Variants in IL22RA2 observed in about 807,000 individuals in gnomAD.
The protein encoded by IL22RA2 is interleukin 22 receptor subunit alpha 2.
Under a neutral mutation model 30.7 loss-of-function variants are expected in IL22RA2, and 39 were observed. The ratio of observed to expected loss-of-function variants is 1.27; its 90% CI spans 0.98 to 1.66. IL22RA2 has a LOEUF of 1.66. Ranked by LOEUF, IL22RA2 falls within the 40% of genes most tolerant of loss-of-function variation. The pLI is 0.00. For synonymous variants in IL22RA2, 103 were observed against 105.0 expected, an observed-to-expected ratio of 0.98 and a Z score of 0.11; for missense variants, 315 against 312.7, an observed-to-expected ratio of 1.01 and a Z score of -0.05.
intron 6 of IL22RA2, among the ~76,000 whole-genome samples, chr6:137,146,424 C>G (rs1778179996): frequency 6.6e-6 from 1 of 152,142 alleles, no homozygotes; most frequent in East Asian, 1.9e-4. Flanking sequence ...CACATAGAGA[C>G]AGAAAGTCTG....
chr6:137,169,024 T>C (rs532693019), intron 1 of IL22RA2, among the ~76,000 whole-genome samples: 1 of 152,348 alleles, frequency 6.6e-6, no homozygotes, highest in South Asian at 2.1e-4. Flanking sequence ...GGTGCTAATA[T>C]GAGAGATCAA....
In IL22RA2 at chr6:137,156,366, C is replaced by T. The variant is rs538182110; in HGVS notation, c.293+393G>A. On this transcript the variant is annotated intron_variant, in intron 4 of 6. Coordinates refer to ENST00000296980, the MANE Select transcript of IL22RA2 (RefSeq NM_052962.3). ...ATAAGGAAGATAGACGGTATCTATA[C>T]TCGGTAATCTACATGGTGACAGCAG... 1.2e-4 allele frequency among the ~76,000 whole-genome samples: 18 copies of T among 152,296 alleles called. No homozygotes were observed. In the South Asian group the frequency reaches 3.7e-3, roughly 32 times the overall value.
At chr6:137,172,849 G>A (rs1247781162) in intron 1 of IL22RA2, among the ~76,000 whole-genome samples, 2 of 152,166 alleles carry the variant, frequency 1.3e-5, no homozygotes, top group African/African-American at 4.8e-5. Flanking sequence ...TAGGTGTGAT[G>A]TGGAATTTTG....
intron 1 of IL22RA2, among the ~76,000 whole-genome samples, chr6:137,168,199 T>C (rs1337295136): frequency 6.6e-6 from 1 of 152,216 alleles, no homozygotes; most frequent in African/African-American, 2.4e-5. Flanking sequence ...ATACCAGACC[T>C]ACTATGAGTG....
intron 4 of IL22RA2, 97 bp downstream of exon 4, chr6:137,156,662 G>A (rs936039774): frequency 6.8e-7 from 1 of 1,481,144 alleles, no homozygotes; most frequent in Non-Finnish European, 9.2e-7. Flanking sequence ...ATGGATTCAG[G>A]TATTCTGGGG....
At chr6:137,147,398 A>G (rs1003560140) in intron 6 of IL22RA2, among the ~76,000 whole-genome samples, 4 of 150,646 alleles carry the variant, frequency 2.7e-5, no homozygotes, top group Admixed American at 2.6e-4. Context: ...TAAATAAATA[A>G]ATAAATAAAT....
chr6:137,166,100 C>G (rs1278651407), intron 1 of IL22RA2, among the ~76,000 whole-genome samples: 2 of 152,174 alleles, frequency 1.3e-5, no homozygotes, highest in Non-Finnish European at 2.9e-5. Context: ...AAAGGACTAG[C>G]CCTTAAAAGA....
intron 1 of IL22RA2, among the ~76,000 whole-genome samples, chr6:137,166,614 C>G (rs748575017): frequency 1.3e-5 from 2 of 152,146 alleles, no homozygotes; most frequent in Non-Finnish European, 2.9e-5. Flanking sequence ...TCTTACAGAA[C>G]CCCCTAACTA....
chr6:137,145,792 A>G lies in IL22RA2; in HGVS notation c.643-19T>C. The G allele has an allele frequency of 6.2e-7, 1 of 1,613,452 alleles. No homozygotes were observed. Reference sequence around the variant, plus strand: ...TTTGCTCCTACACACGAGAGAGAAAATAATCAGTTGGTAAATGGCTGCCAT... The same window carrying G: ...TTTGCTCCTACACACGAGAGAGAAAGTAATCAGTTGGTAAATGGCTGCCAT... On this transcript the variant is annotated intron_variant, in intron 6 of 6. Coordinates refer to ENST00000296980, the MANE Select transcript of IL22RA2 (RefSeq NM_052962.3).
chr6:137,164,872 A>G (rs1044070425), intron 1 of IL22RA2, among the ~76,000 whole-genome samples: 3 of 152,188 alleles, frequency 2.0e-5, no homozygotes, highest in Non-Finnish European at 4.4e-5. Flanking sequence ...TGGAGACAAC[A>G]TACTCCCTCC....
chr6:137,157,411 A>G (rs1778427698), intron 3 of IL22RA2, among the ~76,000 whole-genome samples: 1 of 152,112 alleles, frequency 6.6e-6, no homozygotes, highest in South Asian at 2.1e-4. Context: ...TACATTTTAC[A>G]ATCGCTACAT....
intron 1 of IL22RA2, among the ~76,000 whole-genome samples, chr6:137,170,474 C>T (rs1373659409): frequency 6.6e-6 from 1 of 152,206 alleles, no homozygotes; most frequent in Non-Finnish European, 1.5e-5. Context: ...TCCTGCATGA[C>T]TGCAGGGTCA....
At chr6:137,172,422 G>C (rs1427997991) in intron 1 of IL22RA2, among the ~76,000 whole-genome samples, 1 of 152,194 alleles carries the variant, frequency 6.6e-6, no homozygotes, top group Non-Finnish European at 1.5e-5. Flanking sequence ...TTGTGTAATA[G>C]AACCTGCATA....
At chr6:137,158,878 C>G (rs1348144366) in intron 2 of IL22RA2, among the ~76,000 whole-genome samples, 4 of 152,192 alleles carry the variant, frequency 2.6e-5, no homozygotes, top group African/African-American at 9.7e-5. Flanking sequence ...ACTACTCAAG[C>G]AAAATTTGCT....
Position 137,158,461 on chromosome 6 carries a change from G to A in IL22RA2, c.83C>T (p.Ser28Phe). Reference sequence around the variant, plus strand: ...AAATTGTACCCTCTGAGGCTTCAGAGACTCATGCGTTGACTGAGTTCCTAA... The same window carrying A: ...AAATTGTACCCTCTGAGGCTTCAGAAACTCATGCGTTGACTGAGTTCCTAA... ...GVAGTQSTHE[S>F]LKPQRVQFQS... Residue 28 changes from serine (S) to phenylalanine (F), a missense_variant, in exon 3 of 7, where the codon TCT (serine) becomes TTT (phenylalanine). By Grantham distance (155) the Ser-to-Phe change is radical (BLOSUM62 -2). Transcript: ENST00000296980. 6.2e-7 allele frequency: 1 copy of A among 1,614,136 alleles called. No homozygotes were observed.
intron 6 of IL22RA2, 42 bp downstream of exon 6, chr6:137,147,679 CA>C: frequency 7.1e-7 from 1 of 1,411,156 alleles, no homozygotes; most frequent in Non-Finnish European, 9.6e-7. Flanking sequence ...GTTAAATAAA[CA>C]AAAGAAAAAA....
chr6:137,170,896 C>T (rs1360279152), intron 1 of IL22RA2, among the ~76,000 whole-genome samples: 3 of 152,112 alleles, frequency 2.0e-5, no homozygotes, highest in African/African-American at 2.4e-5. Flanking sequence ...TAGAAGCCTT[C>T]CTGAAAAAGG....
intron 5 of IL22RA2, among the ~76,000 whole-genome samples, chr6:137,150,399 T>C (rs1321502858): frequency 6.6e-6 from 1 of 152,122 alleles, no homozygotes; most frequent in East Asian, 1.9e-4. Flanking sequence ...GGGTTTCTTA[T>C]TCTTCTACTA....
At chr6:137,168,278 G>A (rs965344763) in intron 1 of IL22RA2, among the ~76,000 whole-genome samples, 3 of 152,098 alleles carry the variant, frequency 2.0e-5, no homozygotes, top group Non-Finnish European at 4.4e-5. Flanking sequence ...TCCTGGAAAC[G>A]GGCAGCCCCA....
Sources: gnomAD v4.1 joint callset for allele counts (sites outside exome capture counted in the v4.1 genomes callset) on GRCh38, gnomAD v4.1.1 for gene constraint, MANE v1.5 for transcripts, NCBI Gene and HGNC (gene_info 2026-07-23, HGNC 2026-07-21) for gene names.